Variants in MYO3B observed in about 807,000 individuals in gnomAD.
MYO3B encodes myosin-IIIb.
A neutral mutation model predicts 174.6 loss-of-function variants in MYO3B; 156 were observed. That is an observed-to-expected ratio of 0.89 (90% CI 0.78 to 1.02). The LOEUF (loss-of-function observed/expected upper bound fraction) is 1.02, where lower values mean the gene tolerates loss of function less well. Among genes scored for constraint, MYO3B ranks in the 50% least tolerant of loss-of-function variants. The pLI is 0.00. For synonymous variants in MYO3B, 563 were observed against 569.1 expected (o/e 0.99, Z 0.15); for missense variants, 1,632 against 1,639.4 (o/e 1.00, Z 0.08).
At chr2:170,590,627 A>T (rs1422504837) in intron 32 of MYO3B, among the ~76,000 whole-genome samples, 2 of 149,874 alleles carry the variant, frequency 1.3e-5, no homozygotes, top group African/African-American at 2.5e-5. Context: ...AAACTCTCTG[A>T]ATCTACAAAA....
chr2:170,582,462 A>G (rs148318284), intron 32 of MYO3B, among the ~76,000 whole-genome samples: 2 of 152,232 alleles, frequency 1.3e-5, no homozygotes, highest in African/African-American at 4.8e-5. Context: ...GAATCCAACC[A>G]TACATCCCTG....
intron 32 of MYO3B, among the ~76,000 whole-genome samples, chr2:170,620,570 T>A (rs1012287003): frequency 3.3e-5 from 5 of 152,248 alleles, no homozygotes; most frequent in African/African-American, 9.6e-5. Context: ...GAGATTCCCA[T>A]GTCAGAGACA....
chr2:170,584,650 G>A (rs573734645), intron 32 of MYO3B, among the ~76,000 whole-genome samples: 3 of 152,292 alleles, frequency 2.0e-5, no homozygotes, highest in South Asian at 2.1e-4. Context: ...TGGACCTTTC[G>A]CACTTGTTAA....
chr2:170,586,702 G>A (rs1693517315), intron 32 of MYO3B, among the ~76,000 whole-genome samples: 1 of 152,182 alleles, frequency 6.6e-6, no homozygotes, highest in Non-Finnish European at 1.5e-5. Flanking sequence ...CATGGTAGAA[G>A]TTTTCGTTTT....
chr2:170,418,980 A>G (rs1253418974), intron 22 of MYO3B, among the ~76,000 whole-genome samples: 2 of 152,212 alleles, frequency 1.3e-5, no homozygotes, highest in Admixed American at 1.3e-4. Context: ...AAATGGAGGG[A>G]TCCTTTGTGA....
chr2:170,249,003 G>A (rs929927), intron 7 of MYO3B, among the ~76,000 whole-genome samples: 138,032 of 152,264 alleles, frequency 0.91, 63,545 homozygotes, highest in East Asian at 0.99. Context: ...CTGACTTGTT[G>A]TTTCTCTTCC....
At chr2:170,437,731 T>C (rs1369390154) in intron 22 of MYO3B, among the ~76,000 whole-genome samples, 1 of 152,166 alleles carries the variant, frequency 6.6e-6, no homozygotes, top group East Asian at 1.9e-4. Context: ...GAACCTAGGA[T>C]GGGTAGAGAA....
rs745789992 is a variant in MYO3B, at chr2:170,440,798, GTT to G, written c.2651-3147_2651-3146del. ...ACAACAAACTGATTTTTGGGTGTTG[GTT>G]TTTTTTTTTTTTTTTTTTTTTGAGA... On this transcript the variant is annotated intron_variant, in intron 22 of 34. Transcript: ENST00000408978. Among the ~76,000 whole-genome samples, 62 of 99,104 alleles carry G rather than the reference GTT, an allele frequency of 6.3e-4. No homozygotes were observed. The South Asian group carries it at 0.01, about 16-fold the overall frequency. The allele number at this position is 99,104 out of a possible 152,430, so 65.0% of individuals were successfully genotyped here.
At chr2:170,198,112 GTTT>G (rs10571296) in intron 1 of MYO3B, among the ~76,000 whole-genome samples, 7,005 of 143,246 alleles carry the variant, frequency 0.049, 526 homozygotes, top group African/African-American at 0.16. Context: ...TCTCCTTTGG[GTTT>G]TTTTTTTTTT....
intron 9 of MYO3B, among the ~76,000 whole-genome samples, chr2:170,376,847 C>CTTG (rs1260218558): frequency 6.6e-6 from 1 of 152,146 alleles, no homozygotes; most frequent in African/African-American, 2.4e-5. Flanking sequence ...GAGTATATTG[C>CTTG]TTGTTGTTAT....
At position 170,654,692 on chromosome 2, in the gene MYO3B, A is replaced by T. The variant is rs974277325; in HGVS notation, c.*1571A>T. 1 of 151,074 alleles carries T rather than the reference A, an allele frequency of 6.6e-6. No homozygotes were observed. The highest frequency in any genetic ancestry group is 2.4e-5 in the African/African-American group (1 of 41,210). 9.4% of individuals were successfully genotyped at this position (151,074 alleles called of 1,614,324 possible). On this transcript the variant is annotated 3_prime_UTR_variant, in exon 35 of 35. Transcript: ENST00000408978. ...AAAAAAAGAGATAGTATGCAAGAAG[A>T]CACCTAAATTTTGAGAGAAATAACC...
chr2:170,470,070 C>T (rs1684886902), intron 25 of MYO3B, among the ~76,000 whole-genome samples: 1 of 141,122 alleles, frequency 7.1e-6, no homozygotes, highest in Non-Finnish European at 1.5e-5. Flanking sequence ...CCATTGCCCT[C>T]CAGCCTGGGC....
rs1051315420 is a variant in MYO3B at position 170,621,315 on chromosome 2, A to G, written c.3734-30313A>G. Among the ~76,000 whole-genome samples the G allele has an allele frequency of 3.9e-5, 6 of 152,290 alleles. No homozygotes were observed. The East Asian group carries it at 1.2e-3, about 29-fold the overall frequency. ...TATTTTATGTTTTATTCAATGAGTT[A>G]GTTCATATGGAGTATCTGGTACATA... is the stretch of plus-strand genomic sequence containing the variant. On this transcript the variant is annotated intron_variant, in intron 32 of 34. Transcript: ENST00000408978.
chr2:170,193,471 A>G (rs1381905413), intron 1 of MYO3B, among the ~76,000 whole-genome samples: 2 of 151,926 alleles, frequency 1.3e-5, no homozygotes, highest in Non-Finnish European at 2.9e-5. Flanking sequence ...ATATCTATAG[A>G]TCTGTTTTTT....
chr2:170,607,393 C>T (rs1000261568), intron 32 of MYO3B, among the ~76,000 whole-genome samples: 1 of 152,234 alleles, frequency 6.6e-6, no homozygotes, highest in Admixed American at 6.5e-5. Context: ...GTGTCCTCTT[C>T]ACTCCAGACC....
intron 5 of MYO3B, 35 bp from the exon 6 acceptor site, chr2:170,217,284 G>C (rs2092840236): frequency 6.3e-7 from 1 of 1,584,466 alleles, no homozygotes; most frequent in African/African-American, 1.3e-5. Flanking sequence ...ATCATACTTT[G>C]CTCACTTTTG....
At chr2:170,219,645 CAA>C (rs1157876323) in intron 6 of MYO3B, among the ~76,000 whole-genome samples, 3 of 127,398 alleles carry the variant, frequency 2.4e-5, no homozygotes, top group Non-Finnish European at 3.4e-5. Context: ...CTCTGTCTCT[CAA>C]AAAAAAAAAA....
rs79361243 is a variant in MYO3B at position 170,377,957 on chromosome 2, T to C, written c.972-4059T>C. ...TGTAATTTTCACATTAAACGAGGAA[T>C]TCTTCAGCAAAAATTGATAATAGGT... On this transcript the variant is annotated intron_variant, in intron 9 of 34. Transcript: ENST00000408978. 7.4e-3 allele frequency among the ~76,000 whole-genome samples: 1,121 copies of C among 152,268 alleles called. 12 individuals carry two copies. Among genetic ancestry groups the C allele is most frequent in the African/African-American group, 0.026 (1,081 of 41,542 alleles).
chr2:170,478,705 G>T (rs1483691025), intron 25 of MYO3B, among the ~76,000 whole-genome samples: 1 of 151,008 alleles, frequency 6.6e-6, no homozygotes, highest in Non-Finnish European at 1.5e-5. Context: ...AAGTAGCTGG[G>T]ACTACAGCCA....
Sources: gnomAD v4.1 joint callset for allele counts (sites outside exome capture counted in the v4.1 genomes callset) on GRCh38, gnomAD v4.1.1 for gene constraint, MANE v1.5 for transcripts, NCBI Gene and HGNC (gene_info 2026-07-23, HGNC 2026-07-21) for gene names.